PTPRD: variants seen among roughly 807,000 people sequenced by gnomAD.
The protein encoded by PTPRD is receptor-type tyrosine-protein phosphatase delta.
In PTPRD, 34 loss-of-function variants were observed where a neutral mutation model predicts 214.5. The ratio of observed to expected loss-of-function variants is 0.16; its 90% CI spans 0.12 to 0.21. The LOEUF is 0.21. Ranked by LOEUF, PTPRD falls within the 10% of genes least tolerant of loss-of-function variation. PTPRD has a pLI of 1.00. For missense variants in PTPRD, 2,545 were observed against 2,398.7 expected, an observed-to-expected ratio of 1.06 and a Z score of -1.27; for synonymous variants, 1,128 against 845.7, an observed-to-expected ratio of 1.33 and a Z score of -5.79.
intron 2 of PTPRD, among the ~76,000 whole-genome samples, chr9:10,422,220 T>C (rs2154516372): frequency 6.6e-6 from 1 of 152,184 alleles, no homozygotes; most frequent in African/African-American, 2.4e-5. Context: ...AAGGATTCCC[T>C]ATTTAATAAA....
At chr9:8,387,638 A>C (rs1012688552) in intron 37 of PTPRD, among the ~76,000 whole-genome samples, 1 of 152,126 alleles carries the variant, frequency 6.6e-6, no homozygotes, top group African/African-American at 2.4e-5. Context: ...CTTGATGGTG[A>C]AGCACGTGTG....
At chr9:8,786,462 T>C (rs1166077590) in intron 11 of PTPRD, among the ~76,000 whole-genome samples, 1 of 134,330 alleles carries the variant, frequency 7.4e-6, no homozygotes, top group African/African-American at 2.8e-5. Flanking sequence ...CAGCTTGGAG[T>C]GCAGTGGCTC....
chr9:10,258,745 CTCTCTCTCTT>C (rs1368846932), intron 3 of PTPRD, among the ~76,000 whole-genome samples: 3 of 151,842 alleles, frequency 2.0e-5, no homozygotes, highest in Non-Finnish European at 4.4e-5. Flanking sequence ...CGTTTTGTAT[CTCTCTCTCTT>C]TCTCTCTCTT....
At chr9:9,921,007 T>G (rs1176150854) in intron 5 of PTPRD, among the ~76,000 whole-genome samples, 1 of 152,142 alleles carries the variant, frequency 6.6e-6, no homozygotes, top group Admixed American at 6.6e-5. Flanking sequence ...ATTACTACTT[T>G]CAAGGCTCTA....
intron 35 of PTPRD, among the ~76,000 whole-genome samples, chr9:8,412,567 A>G (rs186536254): frequency 3.3e-5 from 5 of 152,306 alleles, no homozygotes; most frequent in African/African-American, 9.6e-5. Context: ...TTAAGCGAAA[A>G]GTACCTGATG....
chr9:9,839,705 T>G (rs1447635460), intron 5 of PTPRD, among the ~76,000 whole-genome samples: 1 of 152,068 alleles, frequency 6.6e-6, no homozygotes, highest in Non-Finnish European at 1.5e-5. Context: ...AAAACGACTT[T>G]AAAGTTCGTA....
At chr9:10,222,961 G>A (rs999919098) in intron 3 of PTPRD, among the ~76,000 whole-genome samples, 4 of 152,040 alleles carry the variant, frequency 2.6e-5, no homozygotes, top group Admixed American at 2.0e-4. Context: ...CAGAAGAGGT[G>A]TTGAGGTTCT....
At chr9:8,931,195 C>T (rs865944818) in intron 11 of PTPRD, among the ~76,000 whole-genome samples, 1 of 151,818 alleles carries the variant, frequency 6.6e-6, no homozygotes, top group Non-Finnish European at 1.5e-5. Context: ...GCCAGTTTTC[C>T]CAGCACCATT....
chr9:10,570,515 T>C (rs926195054), intron 2 of PTPRD, among the ~76,000 whole-genome samples: 9 of 152,104 alleles, frequency 5.9e-5, no homozygotes, highest in African/African-American at 2.2e-4. Flanking sequence ...ACAAACCTTA[T>C]GTAAATTGGA....
At chr9:8,372,159 A>G (rs2081750765) in intron 39 of PTPRD, among the ~76,000 whole-genome samples, 2 of 152,044 alleles carry the variant, frequency 1.3e-5, no homozygotes, top group Non-Finnish European at 2.9e-5. Flanking sequence ...CATAGTAGAA[A>G]ATATGTACAT....
At chr9:9,523,867 G>C (rs908037338) in intron 8 of PTPRD, among the ~76,000 whole-genome samples, 1 of 151,842 alleles carries the variant, frequency 6.6e-6, no homozygotes, top group African/African-American at 2.4e-5. Flanking sequence ...CCATTACCCC[G>C]TGTCCTTTCT....
At chr9:10,585,701 G>T (rs902340971) in intron 2 of PTPRD, among the ~76,000 whole-genome samples, 1 of 103,002 alleles carries the variant, frequency 9.7e-6, no homozygotes. Context: ...TAGAGAAATA[G>T]TATACATACA....
At chr9:8,377,801 CA>C (rs925522493) in intron 37 of PTPRD, among the ~76,000 whole-genome samples, 1 of 151,972 alleles carries the variant, frequency 6.6e-6, no homozygotes, top group Admixed American at 6.6e-5. Context: ...TTGGGTCCAG[CA>C]AATAGAATTA....
chr9:8,792,250 T>C (rs965093435), intron 11 of PTPRD, among the ~76,000 whole-genome samples: 16 of 152,190 alleles, frequency 1.1e-4, no homozygotes, highest in African/African-American at 3.6e-4. Context: ...CAGAGATTGT[T>C]ACTTTGATTC....
At chr9:10,361,382 G>C (rs1485669840) in intron 2 of PTPRD, among the ~76,000 whole-genome samples, 1 of 152,098 alleles carries the variant, frequency 6.6e-6, no homozygotes, top group African/African-American at 2.4e-5. Context: ...TTTTCAGAAA[G>C]GGTTTTGTTC....
At chr9:8,908,319 A>G (rs2098722515) in intron 11 of PTPRD, among the ~76,000 whole-genome samples, 1 of 152,216 alleles carries the variant, frequency 6.6e-6, no homozygotes, top group African/African-American at 2.4e-5. Flanking sequence ...GCTGAAAGAA[A>G]ATGACATTAA....
At chr9:8,695,301 G>T (rs1209740966) in intron 12 of PTPRD, among the ~76,000 whole-genome samples, 2 of 152,100 alleles carry the variant, frequency 1.3e-5, no homozygotes, top group African/African-American at 4.8e-5. Context: ...GAATCACATG[G>T]CCATGTTTAA....
intron 2 of PTPRD, among the ~76,000 whole-genome samples, chr9:10,346,666 A>G (rs917807327): frequency 1.3e-5 from 2 of 152,172 alleles, no homozygotes; most frequent in African/African-American, 2.4e-5. Flanking sequence ...CGAGTTGTAG[A>G]TAATATTTGA....
At chr9:9,937,594 C>T (rs1363430710) in intron 5 of PTPRD, among the ~76,000 whole-genome samples, 1 of 151,942 alleles carries the variant, frequency 6.6e-6, no homozygotes, top group Non-Finnish European at 1.5e-5. Flanking sequence ...TACAGAATTG[C>T]TATGGAGGAG....
Sources: allele counts gnomAD v4.1 joint callset (sites outside exome capture counted in the v4.1 genomes callset), GRCh38; gene constraint gnomAD v4.1.1; transcripts MANE v1.5; gene names NCBI Gene and HGNC (gene_info 2026-07-23, HGNC 2026-07-21).